The following ITGAE variants were observed in gnomAD, a reference collection of about 807,000 sequenced individuals.
The protein encoded by ITGAE is integrin subunit alpha E.
ITGAE carries 99 observed loss-of-function variants against 136.5 expected under a neutral mutation model. The observed-to-expected ratio is 0.73, with a 90% confidence interval of 0.62 to 0.86. ITGAE has a LOEUF of 0.86. Ranked by LOEUF, ITGAE falls within the 40% of genes least tolerant of loss-of-function variation. The probability of loss-of-function intolerance (pLI) is 0.00; values close to 1 mark genes in which losing one functional copy is unlikely to be tolerated. For synonymous variants in ITGAE, 613 were observed against 591.8 expected (o/e 1.04, Z -0.52); for missense variants, 1,447 against 1,515.3 (o/e 0.95, Z 0.75).
chr17:3,718,954 G>A lies in ITGAE; in HGVS notation c.3333+1353C>T, dbSNP rs146865107. ...TGTATTAGAAATACACTACTTAGCC[G>A]GACATGGTGGCTCATGCCTGTAATC... is the stretch of plus-strand genomic sequence containing the variant. On this transcript the variant is annotated intron_variant, in intron 29 of 30. Coordinates refer to ENST00000263087, the MANE Select transcript of ITGAE (RefSeq NM_002208.5). 6.8e-3 allele frequency among the ~76,000 whole-genome samples: 1,034 copies of A among 152,138 alleles called. 7 individuals are homozygous for A. The highest frequency in any genetic ancestry group is 0.031 in the Middle Eastern group (9 of 292).
chr17:3,731,457 T>G (rs980283707), intron 22 of ITGAE, among the ~76,000 whole-genome samples: 6 of 150,526 alleles, frequency 4.0e-5, no homozygotes, highest in African/African-American at 1.5e-4. Flanking sequence ...TTCTCCTGCC[T>G]CAGCCTCCCA....
intron 23 of ITGAE, 79 bp downstream of exon 23, chr17:3,731,025 C>T: frequency 1.7e-6 from 2 of 1,176,248 alleles, no homozygotes; most frequent in Non-Finnish European, 2.5e-6. Flanking sequence ...GGGGGCCGTT[C>T]CTCTCACAGC....
chr17:3,745,961 G>A (rs779279147), intron 17 of ITGAE, 34 bp from the exon 18 acceptor site: 14 of 1,596,990 alleles, frequency 8.8e-6, no homozygotes, highest in Non-Finnish European at 1.2e-5. Flanking sequence ...CCGATGAGGT[G>A]GGGATGAGCC....
chr17:3,772,589 A>G (rs1406541798), intron 2 of ITGAE, among the ~76,000 whole-genome samples: 2 of 150,538 alleles, frequency 1.3e-5, no homozygotes, highest in Admixed American at 6.7e-5. Flanking sequence ...TCAGCCTCCC[A>G]AGCAGCTGGG....
intron 2 of ITGAE, among the ~76,000 whole-genome samples, chr17:3,770,452 GCTGT>G (rs1459821154): frequency 6.6e-6 from 1 of 152,054 alleles, no homozygotes; most frequent in Non-Finnish European, 1.5e-5. Flanking sequence ...TTCCATGTCT[GCTGT>G]CTGTCCCACC....
chr17:3,723,501 A>G, intron 27 of ITGAE, 118 bp from the exon 28 acceptor site: 6 of 989,334 alleles, frequency 6.1e-6, no homozygotes, highest in Non-Finnish European at 7.9e-6. Flanking sequence ...GAGCAATTTC[A>G]GCGCTCACCT....
Position 3,751,851 on chromosome 17 carries a change from G to C in ITGAE, c.1692C>G (p.Arg564=). 6.2e-7 allele frequency: 1 copy of C among 1,613,930 alleles called. No homozygotes were observed. Among genetic ancestry groups the C allele is most frequent in the Non-Finnish European group, 8.5e-7 (1 of 1,179,880 alleles). ...TGAACCCGGGGTGCCCACTCAGTATGCGTGCCAAGGAGAAAGAACCATCCT... is the reference window on the plus strand; with the variant it reads ...TGAACCCGGGGTGCCCACTCAGTATCCGTGCCAAGGAGAAAGAACCATCCT... ...SEQDGSFSLA[R]ILSGHPGFTN... is the part of the protein sequence containing the mutation. The change falls in exon 15 of 31, where the codon CGC becomes CGG. Residue 564 remains arginine (R), a synonymous_variant. Coordinates refer to ENST00000263087, the MANE Select transcript of ITGAE (RefSeq NM_002208.5).
At chr17:3,755,758 G>T in intron 11 of ITGAE, 72 bp downstream of exon 11, 2 of 1,318,522 alleles carry the variant, frequency 1.5e-6, no homozygotes, top group Non-Finnish European at 2.1e-6. Context: ...GGAGGCAGGA[G>T]TCCCTGAATC....
chr17:3,756,756 G>A (rs1025993695), intron 10 of ITGAE, among the ~76,000 whole-genome samples: 1 of 151,986 alleles, frequency 6.6e-6, no homozygotes, highest in South Asian at 2.1e-4. Flanking sequence ...TTGCCCAGGC[G>A]GGTCTCAAAC....
chr17:3,792,586 C>G (rs963521008), intron 1 of ITGAE, among the ~76,000 whole-genome samples: 57 of 152,308 alleles, frequency 3.7e-4, no homozygotes, highest in African/African-American at 1.2e-3. Flanking sequence ...GGGGATACAA[C>G]AAGCCAGGAA....
At chr17:3,723,924 C>A (rs986285929) in intron 26 of ITGAE, 180 bp from the exon 27 acceptor site, 1 of 1,542,424 alleles carries the variant, frequency 6.5e-7, no homozygotes, top group Admixed American at 2.0e-5. Context: ...AACCTCTTGG[C>A]GGGTGCCGGC....
chr17:3,800,572 C>G (rs116690878), intron 1 of ITGAE, among the ~76,000 whole-genome samples: 1 of 152,080 alleles, frequency 6.6e-6, no homozygotes, highest in Non-Finnish European at 1.5e-5. Context: ...TGCCTCCCCC[C>G]ACCCCACATT....
intron 16 of ITGAE, among the ~76,000 whole-genome samples, chr17:3,749,197 G>A (rs112630028): frequency 0.014 from 2,179 of 151,866 alleles, 35 homozygotes; most frequent in South Asian, 0.047. Flanking sequence ...GAGACAGAAA[G>A]CCTGAGGGCA....
rs2051762341 is a variant in ITGAE, at chr17:3,748,069, A to G, written c.2025-17T>C. On this transcript the variant is annotated splice_polypyrimidine_tract_variant and intron_variant, in intron 16 of 30. Coordinates refer to ENST00000263087, the MANE Select transcript of ITGAE (RefSeq NM_002208.5). ...GGCCGGGAGCTAAACAAGACAGCAA[A>G]GAGGATGGGAGAAGTGACTGCTCAG... The G allele has an allele frequency of 6.2e-7, 1 of 1,601,888 alleles. No individual in the cohort carries two copies. Among genetic ancestry groups the G allele is most frequent in the South Asian group, 1.1e-5 (1 of 90,832 alleles).
intron 20 of ITGAE, among the ~76,000 whole-genome samples, chr17:3,736,312 A>G (rs1336981594): frequency 1.3e-5 from 2 of 151,132 alleles, no homozygotes; most frequent in Non-Finnish European, 3.0e-5. Flanking sequence ...TCTGTCTCAA[A>G]ATAAATAAAT....
rs1024316381 is a variant in ITGAE, at chr17:3,798,619, G to A, written c.34+2492C>T. Reference sequence around the variant, plus strand: ...ACGCACAGGCCCGGGGTGATGCCCCGGCACAGCCCCTGGCCTCAGCCCGAG... The same window carrying A: ...ACGCACAGGCCCGGGGTGATGCCCCAGCACAGCCCCTGGCCTCAGCCCGAG... On this transcript the variant is annotated intron_variant, in intron 1 of 30. Coordinates refer to ENST00000263087, the MANE Select transcript of ITGAE (RefSeq NM_002208.5). The surrounding 1 kb of genome is among the most constrained non-coding windows in gnomAD (Gnocchi z 4.3). Among the ~76,000 whole-genome samples, 8 of 152,256 alleles carry A rather than the reference G, an allele frequency of 5.3e-5. No individual in the cohort carries two copies. In the South Asian group the frequency reaches 6.2e-4, roughly 12 times the overall value.
At chr17:3,724,220 C>G in intron 26 of ITGAE, 1 of 1,593,484 alleles carries the variant, frequency 6.3e-7, no homozygotes, top group Non-Finnish European at 8.5e-7. Context: ...CCAGCCTGAC[C>G]GTGACCCCAA....
At chr17:3,728,212 CCCTT>C (rs1567515436) in intron 24 of ITGAE, 44 bp from the exon 25 acceptor site, 1 of 1,486,454 alleles carries the variant, frequency 6.7e-7, no homozygotes, top group South Asian at 1.1e-5. Flanking sequence ...GAGTCTTTCT[CCCTT>C]TTTTGGAGAC....
In ITGAE at chr17:3,799,980, G is replaced by A. The variant is rs1002193323; in HGVS notation, c.34+1131C>T. ...CTAAAAATACAAAAATTAGCCAGGC[G>A]TGGTGGCAGGCGCCTGTAATCCCAG... On this transcript the variant is annotated intron_variant, in intron 1 of 30. Coordinates refer to ENST00000263087, the MANE Select transcript of ITGAE (RefSeq NM_002208.5). This position sits in a 1 kb window ranked among gnomAD's most constrained non-coding sequence, Gnocchi z 4.1. Among the ~76,000 whole-genome samples the A allele has an allele frequency of 1.1e-4, 16 of 152,234 alleles. No homozygotes were observed. The highest frequency in any genetic ancestry group is 9.7e-4 in the East Asian group (5 of 5,170).
Sources: allele counts gnomAD v4.1 joint callset (sites outside exome capture counted in the v4.1 genomes callset), GRCh38; gene constraint gnomAD v4.1.1; non-coding constraint Gnocchi (gnomAD v3.1); transcripts MANE v1.5; gene names NCBI Gene and HGNC (gene_info 2026-07-23, HGNC 2026-07-21).